PRKG2: variants seen among roughly 807,000 people sequenced by gnomAD.
PRKG2 encodes cGMP-dependent protein kinase 2.
In PRKG2, 33 loss-of-function variants were observed where a neutral mutation model predicts 97.2. The ratio of observed to expected loss-of-function variants is 0.34; its 90% confidence interval spans 0.26 to 0.45. The LOEUF (loss-of-function observed/expected upper bound fraction) is 0.45, where lower values mean the gene tolerates loss of function less well. PRKG2 is among the 20% of genes least tolerant of loss of function. The pLI is 1.00. For missense variants in PRKG2, 638 were observed against 900.0 expected (o/e 0.71, Z 3.73); for synonymous variants, 330 against 321.8 (o/e 1.03, Z -0.27).
At chr4:81,213,822 G>T (rs1001081674) in intron 1 of PRKG2, among the ~76,000 whole-genome samples, 2 of 152,148 alleles carry the variant, frequency 1.3e-5, no homozygotes, top group African/African-American at 4.8e-5. Context: ...AGCCTCACTT[G>T]TAATGACTTC....
intron 6 of PRKG2, 81 bp from the exon 7 acceptor site, chr4:81,153,802 C>A: frequency 1.0e-6 from 1 of 981,094 alleles, no homozygotes; most frequent in Non-Finnish European, 1.6e-6. Flanking sequence ...GTATACAGCT[C>A]CCAGCGTGAG....
Position 81,166,243 on chromosome 4 carries a change from G to A in PRKG2, c.912+918C>T, listed in dbSNP as rs747413195. Among the ~76,000 whole-genome samples, 8 of 151,992 alleles carry A rather than the reference G, an allele frequency of 5.3e-5. No individual in the cohort carries two copies. The South Asian group carries it at 6.2e-4, about 12-fold the overall frequency. On this transcript the variant is annotated intron_variant, in intron 6 of 18. Transcript: ENST00000264399. ...CCTACTCCCTGCTTGACAGATATTA[G>A]TTACATTGTATATTGTGATTGACAG...
chr4:81,197,498 G>C (rs1214128853), intron 2 of PRKG2, among the ~76,000 whole-genome samples: 3 of 152,212 alleles, frequency 2.0e-5, no homozygotes, highest in Non-Finnish European at 4.4e-5. Context: ...ATAGATTTCA[G>C]AGTTGTTGTG....
chr4:81,211,810 T>C (rs906272658), intron 1 of PRKG2, among the ~76,000 whole-genome samples: 6 of 152,110 alleles, frequency 3.9e-5, no homozygotes, highest in Non-Finnish European at 1.5e-5. Flanking sequence ...TACAGCTATA[T>C]GTAACACTGC....
At chr4:81,150,197 G>A (rs1578424730) in intron 8 of PRKG2, among the ~76,000 whole-genome samples, 1 of 152,250 alleles carries the variant, frequency 6.6e-6, no homozygotes, top group East Asian at 1.9e-4. Context: ...CATTTGATCT[G>A]TGAGCTTAGA....
At chr4:81,143,421 A>G (rs1747497022) in intron 10 of PRKG2, among the ~76,000 whole-genome samples, 1 of 152,224 alleles carries the variant, frequency 6.6e-6, no homozygotes. Context: ...TGCTAGTTTT[A>G]TCAGATCTTG....
intron 14 of PRKG2, among the ~76,000 whole-genome samples, chr4:81,117,275 C>T (rs1393760117): frequency 6.6e-6 from 1 of 152,024 alleles, no homozygotes; most frequent in Non-Finnish European, 1.5e-5. Context: ...ATTACGGGCA[C>T]TGTGCCTGGC....
At chr4:81,135,610 A>G (rs77886132) in intron 13 of PRKG2, among the ~76,000 whole-genome samples, 182 of 152,276 alleles carry the variant, frequency 1.2e-3, no homozygotes, top group African/African-American at 4.2e-3. Context: ...ACCCATCACA[A>G]ACTCTGGAGA....
chr4:81,105,921 C>T lies in PRKG2; in HGVS notation c.1955G>A (p.Gly652Glu). The T allele has an allele frequency of 6.2e-7, 1 of 1,613,466 alleles. No homozygotes were observed. The highest frequency in any genetic ancestry group is 8.5e-7 in the Non-Finnish European group (1 of 1,179,630). Residue 652 changes from glycine (G) to glutamate (E), a missense_variant, in exon 16 of 19, where the codon GGG (glycine) becomes GAG (glutamate). By Grantham distance (98) the Gly-to-Glu change is moderately conservative. Around this residue, in one of 3 missense-constraint regions of PRKG2, gnomAD observed 304 missense variants for 460.5 expected, o/e 0.66. Coordinates refer to ENST00000264399, the MANE Select transcript of PRKG2 (RefSeq NM_006259.3). Reference sequence around the variant, plus strand: ...ATTGTAGGTCATCATTTGGTCAACCCCAGAAAAGGGTGGGCTAGATAGAGA... The same window carrying T: ...ATTGTAGGTCATCATTTGGTCAACCTCAGAAAAGGGTGGGCTAGATAGAGA... ...ELLTGNPPFSGVDQMMTYNLI... is the reference protein window; with the variant it reads ...ELLTGNPPFSEVDQMMTYNLI...
At chr4:81,191,200 TA>T (rs1222101205) in intron 2 of PRKG2, among the ~76,000 whole-genome samples, 1 of 152,208 alleles carries the variant, frequency 6.6e-6, no homozygotes, top group East Asian at 1.9e-4. Context: ...CCATCAGTGA[TA>T]AACTGGATAA....
rs185254223 is a variant in PRKG2 at position 81,131,127 on chromosome 4, G to A, written c.1776+4028C>T. Among the ~76,000 whole-genome samples the A allele has an allele frequency of 4.6e-5, 7 of 152,296 alleles. 1 individual carries two copies. In the East Asian group the frequency reaches 1.4e-3, roughly 29 times the overall value. ...GGCCCTGATGATGTAGGCACCCGAGGGAATCTCCTGGTCTGTGGGTTGCAA... is the reference window on the plus strand; with the variant it reads ...GGCCCTGATGATGTAGGCACCCGAGAGAATCTCCTGGTCTGTGGGTTGCAA... On this transcript the variant is annotated intron_variant, in intron 14 of 18. Coordinates refer to ENST00000264399, the MANE Select transcript of PRKG2 (RefSeq NM_006259.3).
chr4:81,106,538 T>C (rs1458300116), intron 15 of PRKG2, among the ~76,000 whole-genome samples: 1 of 152,160 alleles, frequency 6.6e-6, no homozygotes, highest in East Asian at 1.9e-4. Context: ...AGAGTAAGGT[T>C]TTCCTAATGT....
rs545554251 is a variant in PRKG2, at chr4:81,152,339, G to C, written c.991-285C>G. 9.3e-4 allele frequency among the ~76,000 whole-genome samples: 142 copies of C among 152,228 alleles called. 1 individual carries two copies. Among genetic ancestry groups the C allele is most frequent in the African/African-American group, 3.1e-3 (128 of 41,526 alleles). On this transcript the variant is annotated intron_variant, in intron 7 of 18. Transcript: ENST00000264399. ...AAGTTAAATTTTAAATGTGAATCCAGTGATTCCTTCTGAGAGATCCACAAA... is the reference window on the plus strand; with the variant it reads ...AAGTTAAATTTTAAATGTGAATCCACTGATTCCTTCTGAGAGATCCACAAA...
At chr4:81,114,504 G>A (rs151268340) in intron 14 of PRKG2, among the ~76,000 whole-genome samples, 3 of 152,278 alleles carry the variant, frequency 2.0e-5, no homozygotes, top group African/African-American at 7.2e-5. Flanking sequence ...AACAGCATGT[G>A]TTAAGCACAT....
intron 6 of PRKG2, among the ~76,000 whole-genome samples, chr4:81,160,618 G>C (rs1214226867): frequency 2.6e-5 from 4 of 152,140 alleles, no homozygotes; most frequent in Admixed American, 2.6e-4. Context: ...TACATTCACA[G>C]TAGGTAGTGC....
intron 2 of PRKG2, among the ~76,000 whole-genome samples, chr4:81,199,359 T>A (rs1408337112): frequency 6.6e-6 from 1 of 152,186 alleles, no homozygotes; most frequent in Non-Finnish European, 1.5e-5. Flanking sequence ...TCTGATTATA[T>A]ATGTAATTTT....
Position 81,157,131 on chromosome 4 carries a change from G to A in PRKG2, c.913-3410C>T, listed in dbSNP as rs567757211. 3.4e-4 allele frequency among the ~76,000 whole-genome samples: 51 copies of A among 152,168 alleles called. No homozygotes were observed. In the South Asian group the frequency reaches 3.5e-3, roughly 11 times the overall value. ...ACAAAAAACCCTTCCAAAAATTAAC[G>A]AATCCAGGAGCTGGTTTTTTGAAAG... is the stretch of plus-strand genomic sequence containing the variant. On this transcript the variant is annotated intron_variant, in intron 6 of 18. Coordinates refer to ENST00000264399, the MANE Select transcript of PRKG2 (RefSeq NM_006259.3).
chr4:81,106,762 G>A (rs543430583), intron 15 of PRKG2, among the ~76,000 whole-genome samples: 53 of 152,322 alleles, frequency 3.5e-4, no homozygotes, highest in Non-Finnish European at 6.8e-4. Flanking sequence ...GCCTGTGGGA[G>A]GTAATTAAAT....
In PRKG2 at chr4:81,092,421, T is replaced by C; in HGVS notation, c.2158A>G (p.Lys720Glu). The change falls in exon 18 of 19, where the codon AAA becomes GAA. Residue 720 changes from lysine to glutamate, a missense_variant. Physicochemically the swap from Lys to Glu is moderately conservative, Grantham distance 56. Transcript: ENST00000264399. ...WLNGFNWEGL[K>E]ARSLPSPLQR... The stretch of plus-strand genomic sequence containing the variant: ...AAAGGTGATGGAAGGCTCCGTGCTT[T>C]CAGTCCCTCCCAATTAAAACCATTT... The C allele has an allele frequency of 6.3e-7, 1 of 1,593,830 alleles. No homozygotes were observed. Among genetic ancestry groups the C allele is most frequent in the Non-Finnish European group, 8.6e-7 (1 of 1,166,568 alleles).
Sources: allele counts gnomAD v4.1 joint callset (sites outside exome capture counted in the v4.1 genomes callset), GRCh38; gene constraint gnomAD v4.1.1; regional missense constraint gnomAD v4.1.1; transcripts MANE v1.5; gene names NCBI Gene and HGNC (gene_info 2026-07-23, HGNC 2026-07-21).